Variants in NRBP1 observed in about 807,000 individuals in gnomAD.
NRBP1 encodes nuclear receptor binding protein 1, also known as nuclear receptor-binding protein.
NRBP1 carries 10 observed loss-of-function variants against 76.0 expected under a neutral mutation model. The ratio of observed to expected loss-of-function variants is 0.13; its 90% CI spans 0.08 to 0.22. The LOEUF is 0.22. NRBP1 is among the 10% of genes least tolerant of loss of function. The pLI is 1.00. For missense variants in NRBP1, 344 were observed against 646.0 expected, an observed-to-expected ratio of 0.53 and a Z score of 5.07; for synonymous variants, 235 against 240.2, an observed-to-expected ratio of 0.98 and a Z score of 0.20.
chr2:27,431,248 C>T (rs1298236813), intron 1 of NRBP1, among the ~76,000 whole-genome samples: 4 of 152,088 alleles, frequency 2.6e-5, no homozygotes, highest in South Asian at 2.1e-4. Context: ...TGCAGTGAGC[C>T]GAGATTGCAC....
intron 10 of NRBP1, among the ~76,000 whole-genome samples, chr2:27,438,312 T>C (rs1664394303): frequency 6.6e-6 from 1 of 152,248 alleles, no homozygotes; most frequent in South Asian, 2.1e-4. Context: ...CAATTTAAAT[T>C]AAACCAGTTG....
At position 27,434,135 on chromosome 2, in the gene NRBP1, C is replaced by T. The variant is rs750960067; in HGVS notation, c.435+45C>T. On this transcript the variant is annotated intron_variant, in intron 4 of 17. Coordinates refer to ENST00000379852, the MANE Select transcript of NRBP1 (RefSeq NM_013392.4). ...ATTTCCTGAACTTATTGCAAAGAGACTAGCTACATTTATTATTGTTCCTTT... is the reference window on the plus strand; with the variant it reads ...ATTTCCTGAACTTATTGCAAAGAGATTAGCTACATTTATTATTGTTCCTTT... 5 of 1,368,690 alleles carry T rather than the reference C, an allele frequency of 3.7e-6. 1 individual carries two copies. In the South Asian group the frequency reaches 4.7e-5, roughly 13 times the overall value. The allele number at this position is 1,368,690 out of a possible 1,614,324, so 84.8% of individuals were successfully genotyped here.
chr2:27,440,697 T>C lies in NRBP1; in HGVS notation c.1188T>C (p.Asp396=). The C allele has an allele frequency of 6.2e-7, 1 of 1,614,248 alleles. No individual in the cohort carries two copies. Among genetic ancestry groups the C allele is most frequent in the Non-Finnish European group, 8.5e-7 (1 of 1,180,046 alleles). The part of the protein sequence containing the change: ...PALELDKFLE[D]VRNGIYPLTA... ...TGGAATTAGATAAATTCCTTGAAGA[T>C]GTCAGGTGAGAGCAGAGTGAGAAGC... Residue 396 remains aspartate (D), a synonymous_variant, in exon 13 of 18, where the codon GAT becomes GAC. Transcript: ENST00000379852.
chr2:27,438,153 T>G lies in NRBP1; in HGVS notation c.903+793T>G, dbSNP rs780103. On this transcript the variant is annotated intron_variant, in intron 10 of 17. Coordinates refer to ENST00000379852, the MANE Select transcript of NRBP1 (RefSeq NM_013392.4). Reference sequence around the variant, plus strand: ...TGAGATTGGGCCACTGCACTCCAGCTGGGGCAAGAGAGCGAGACTGTCTCA... The same window carrying G: ...TGAGATTGGGCCACTGCACTCCAGCGGGGGCAAGAGAGCGAGACTGTCTCA... 3.8e-3 allele frequency among the ~76,000 whole-genome samples: 578 copies of G among 150,554 alleles called. 7 individuals carry two copies. Among genetic ancestry groups the G allele is most frequent in the African/African-American group, 0.013 (547 of 41,002 alleles).
chr2:27,427,790 A>G (rs752559559), upstream of NRBP1: 1 of 152,180 alleles, frequency 6.6e-6, no homozygotes, highest in Non-Finnish European at 1.5e-5. Flanking sequence ...TCTTCCCTCC[A>G]TCATACACGT....
At chr2:27,429,481 A>G (rs1188970339) in intron 1 of NRBP1, 1 of 152,272 alleles carries the variant, frequency 6.6e-6, no homozygotes, top group Non-Finnish European at 1.5e-5. Context: ...GGCGATCTGC[A>G]TTACTCCAAA....
chr2:27,429,625 TTTC>T (rs1390897865), intron 1 of NRBP1, among the ~76,000 whole-genome samples: 1 of 151,916 alleles, frequency 6.6e-6, no homozygotes, highest in Non-Finnish European at 1.5e-5. Flanking sequence ...GTCGCAGAGG[TTTC>T]TTCATCAATA....
At chr2:27,432,625 C>G (rs1331430391) in intron 1 of NRBP1, among the ~76,000 whole-genome samples, 1 of 152,046 alleles carries the variant, frequency 6.6e-6, no homozygotes, top group Non-Finnish European at 1.5e-5. Context: ...CCTCTGTTGC[C>G]TAGCCAATGG....
chr2:27,438,932 C>T (rs1173055424), intron 10 of NRBP1, among the ~76,000 whole-genome samples: 1 of 152,098 alleles, frequency 6.6e-6, no homozygotes, highest in African/African-American at 2.4e-5. Flanking sequence ...GTACTCCAGC[C>T]TGGTTGGCAC....
intron 2 of NRBP1, 51 bp from the exon 3 acceptor site, chr2:27,433,622 G>T: frequency 6.2e-7 from 1 of 1,611,988 alleles, no homozygotes; most frequent in South Asian, 1.1e-5. Context: ...GTGTTAAAAT[G>T]GAGGATTTGT....
chr2:27,428,507 C>A (rs929628496), upstream of NRBP1: 1 of 395,192 alleles, frequency 2.5e-6, no homozygotes, highest in African/African-American at 2.1e-5. Flanking sequence ...GGGTGGAAGC[C>A]CACCCCAGCG....
chr2:27,435,934 T>C, intron 7 of NRBP1: 1 of 622,664 alleles, frequency 1.6e-6, no homozygotes, highest in Non-Finnish European at 2.9e-6. Flanking sequence ...TTGTTTCCTG[T>C]GGATTCTGCC....
chr2:27,435,609 G>T, intron 7 of NRBP1: 1 of 712,746 alleles, frequency 1.4e-6, no homozygotes, highest in South Asian at 1.5e-5. Flanking sequence ...ATTTCTGTGT[G>T]CTGTGTCTGT....
chr2:27,433,875 C>T (rs768706998), intron 3 of NRBP1, 80 bp downstream of exon 3: 45 of 1,607,674 alleles, frequency 2.8e-5, no homozygotes, highest in Admixed American at 5.0e-5. Flanking sequence ...GGAAGCTGCC[C>T]GTGAGGAGAG....
intron 10 of NRBP1, 32 bp downstream of exon 10, chr2:27,437,392 C>T (rs756080446): frequency 6.7e-7 from 1 of 1,498,276 alleles, no homozygotes; most frequent in Non-Finnish European, 9.3e-7. Context: ...CCCTCCTCAA[C>T]TGACCTTCAA....
chr2:27,440,609 G>A, intron 12 of NRBP1, 43 bp from the exon 13 acceptor site: 1 of 1,612,448 alleles, frequency 6.2e-7, no homozygotes, highest in South Asian at 1.1e-5. Context: ...TTGCTATTTT[G>A]CTTGTTTCTT....
chr2:27,436,637 T>C, intron 7 of NRBP1, 116 bp from the exon 8 acceptor site: 1 of 798,966 alleles, frequency 1.3e-6, no homozygotes, highest in Non-Finnish European at 2.2e-6. Context: ...TTGTGCCTGT[T>C]GAGGGTCATC....
At chr2:27,437,998 CCAA>C (rs1484403263) in intron 10 of NRBP1, among the ~76,000 whole-genome samples, 13 of 151,736 alleles carry the variant, frequency 8.6e-5, no homozygotes, top group African/African-American at 3.1e-4. Context: ...ACCAGCCTGG[CCAA>C]CATGGTGAAA....
chr2:27,433,626 G>C, intron 2 of NRBP1, 47 bp from the exon 3 acceptor site: 1 of 1,612,652 alleles, frequency 6.2e-7, no homozygotes, highest in Non-Finnish European at 8.5e-7. Flanking sequence ...TAAAATGGAG[G>C]ATTTGTGAGA....
Sources: gnomAD v4.1 joint callset for allele counts (sites outside exome capture counted in the v4.1 genomes callset) on GRCh38, gnomAD v4.1.1 for gene constraint, MANE v1.5 for transcripts, NCBI Gene and HGNC (gene_info 2026-07-23, HGNC 2026-07-21) for gene names.